The following CHCHD3 variants were observed in gnomAD, a reference collection of about 807,000 sequenced individuals.
The protein encoded by CHCHD3 is MICOS complex subunit MIC19.
Under a neutral mutation model 38.2 loss-of-function variants are expected in CHCHD3, and 20 were observed. The observed-to-expected ratio is 0.52, with a 90% CI of 0.37 to 0.76. CHCHD3 has a LOEUF of 0.76. Ranked by LOEUF, CHCHD3 falls within the 30% of genes least tolerant of loss-of-function variation. The pLI is 0.00. For missense variants in CHCHD3, 245 were observed against 279.2 expected (o/e 0.88, Z 0.87); for synonymous variants, 82 against 100.0 (o/e 0.82, Z 1.07).
chr7:133,011,242 G>C lies in CHCHD3; in HGVS notation c.251+13304C>G, dbSNP rs371467204. 9.5e-4 allele frequency among the ~76,000 whole-genome samples: 144 copies of C among 152,332 alleles called. 1 individual carries two copies. The South Asian group carries it at 0.012, about 13-fold the overall frequency. On this transcript the variant is annotated intron_variant, in intron 3 of 7. Coordinates refer to ENST00000262570, the MANE Select transcript of CHCHD3 (RefSeq NM_017812.4). Reference sequence around the variant, plus strand: ...CTTGAAGGTCAGAGAAAAGGACTTGGACTTTATGCTAAACCTAATGAAGCC... The same window carrying C: ...CTTGAAGGTCAGAGAAAAGGACTTGCACTTTATGCTAAACCTAATGAAGCC...
intron 6 of CHCHD3, among the ~76,000 whole-genome samples, chr7:132,827,584 A>G (rs1807537488): frequency 6.6e-6 from 1 of 152,210 alleles, no homozygotes; most frequent in Non-Finnish European, 1.5e-5. Flanking sequence ...CAATGCACCA[A>G]TCTTCAGTGT....
intron 2 of CHCHD3, among the ~76,000 whole-genome samples, chr7:133,054,078 A>G (rs960500605): frequency 3.3e-5 from 5 of 152,242 alleles, no homozygotes; most frequent in Admixed American, 3.3e-4. Context: ...GTTAATGAGA[A>G]GTACAAGATC....
At chr7:133,022,477 T>C (rs1427562360) in intron 3 of CHCHD3, 1 of 456,584 alleles carries the variant, frequency 2.2e-6, no homozygotes, top group Non-Finnish European at 4.4e-6. Context: ...TTCTTAATGC[T>C]GTTTCTGAAG....
chr7:132,786,255 A>G (rs1806314789), intron 7 of CHCHD3, among the ~76,000 whole-genome samples: 1 of 152,184 alleles, frequency 6.6e-6, no homozygotes, highest in South Asian at 2.1e-4. Context: ...ACCGGGGGAA[A>G]GCTATGGCCA....
intron 5 of CHCHD3, among the ~76,000 whole-genome samples, chr7:132,863,689 G>T (rs1211280220): frequency 6.6e-6 from 1 of 152,210 alleles, no homozygotes; most frequent in Admixed American, 6.5e-5. Context: ...AAAATCTGTT[G>T]TTCAGTGTAG....
intron 4 of CHCHD3, among the ~76,000 whole-genome samples, chr7:132,891,282 AG>A (rs758472047): frequency 3.3e-5 from 5 of 152,216 alleles, no homozygotes; most frequent in Non-Finnish European, 7.3e-5. Flanking sequence ...GACCTTCAGT[AG>A]GGTAACTCAC....
At chr7:132,896,463 T>C (rs901612631) in intron 4 of CHCHD3, among the ~76,000 whole-genome samples, 1 of 152,210 alleles carries the variant, frequency 6.6e-6, no homozygotes, top group African/African-American at 2.4e-5. Context: ...CAAAGTAACA[T>C]GACATTTCAA....
At chr7:132,804,025 C>T (rs573725342) in intron 6 of CHCHD3, among the ~76,000 whole-genome samples, 1 of 151,922 alleles carries the variant, frequency 6.6e-6, no homozygotes, top group East Asian at 2.0e-4. Context: ...ATTTTTCCTG[C>T]AGAAAACCTC....
At chr7:133,061,763 C>T (rs1294517272) in intron 2 of CHCHD3, among the ~76,000 whole-genome samples, 2 of 152,228 alleles carry the variant, frequency 1.3e-5, no homozygotes, top group Non-Finnish European at 2.9e-5. Flanking sequence ...ATCAACCACT[C>T]ATTCAGGGGA....
At chr7:132,900,923 G>A (rs1229337198) in intron 4 of CHCHD3, among the ~76,000 whole-genome samples, 4 of 152,090 alleles carry the variant, frequency 2.6e-5, no homozygotes, top group South Asian at 2.1e-4. Context: ...CCGGGGAGGC[G>A]GACGTTGCAG....
intron 5 of CHCHD3, among the ~76,000 whole-genome samples, chr7:132,872,396 C>T (rs1346145380): frequency 2.0e-5 from 3 of 152,202 alleles, no homozygotes; most frequent in Non-Finnish European, 4.4e-5. Flanking sequence ...CTACTAGTTG[C>T]CATCTCAGAA....
intron 5 of CHCHD3, chr7:132,847,361 A>G (rs1051763504): frequency 6.6e-6 from 1 of 152,266 alleles, no homozygotes; most frequent in Non-Finnish European, 1.5e-5. Context: ...CTGAGGTGAC[A>G]GCACAAAATC....
intron 4 of CHCHD3, among the ~76,000 whole-genome samples, chr7:132,927,577 C>T (rs1271101688): frequency 1.3e-5 from 2 of 152,192 alleles, no homozygotes; most frequent in Non-Finnish European, 1.5e-5. Context: ...GCTTGAATTT[C>T]TAAAGCATGT....
At chr7:132,909,713 T>A (rs1247941737) in intron 4 of CHCHD3, among the ~76,000 whole-genome samples, 2 of 152,190 alleles carry the variant, frequency 1.3e-5, no homozygotes, top group African/African-American at 2.4e-5. Context: ...GTGGTCAAGA[T>A]GATGTTGTAT....
chr7:132,937,555 C>T (rs558155297), intron 4 of CHCHD3, among the ~76,000 whole-genome samples: 1 of 152,118 alleles, frequency 6.6e-6, no homozygotes, highest in East Asian at 1.9e-4. Context: ...AATCATATTT[C>T]AAAGACTCCT....
intron 2 of CHCHD3, among the ~76,000 whole-genome samples, chr7:133,059,598 C>T (rs748108132): frequency 5.9e-5 from 9 of 152,150 alleles, no homozygotes; most frequent in African/African-American, 9.7e-5. Flanking sequence ...TCCAGAGCCC[C>T]GCTCCCTAGC....
intron 5 of CHCHD3, among the ~76,000 whole-genome samples, chr7:132,871,896 G>A (rs1326905945): frequency 1.3e-5 from 2 of 152,178 alleles, no homozygotes; most frequent in Non-Finnish European, 2.9e-5. Flanking sequence ...CATTATGGAT[G>A]TATTTGTCAA....
chr7:132,971,231 T>C (rs1213079981), intron 4 of CHCHD3, among the ~76,000 whole-genome samples: 2 of 152,206 alleles, frequency 1.3e-5, no homozygotes, highest in Admixed American at 1.3e-4. Flanking sequence ...GGTGCTTTCC[T>C]GATCCTAAGA....
At chr7:132,833,197 T>C (rs992817021) in intron 6 of CHCHD3, among the ~76,000 whole-genome samples, 1 of 152,220 alleles carries the variant, frequency 6.6e-6, no homozygotes, top group Admixed American at 6.5e-5. Flanking sequence ...TAGCGCCATA[T>C]AATAGAAACT....
Sources: gnomAD v4.1 joint callset for allele counts (sites outside exome capture counted in the v4.1 genomes callset) on GRCh38, gnomAD v4.1.1 for gene constraint, MANE v1.5 for transcripts, NCBI Gene and HGNC (gene_info 2026-07-23, HGNC 2026-07-21) for gene names.